AKAP6: variants seen among roughly 807,000 people sequenced by gnomAD.
AKAP6 encodes A-kinase anchor protein 6.
Under a neutral mutation model 188.5 loss-of-function variants are expected in AKAP6, and 58 were observed. That is an observed-to-expected ratio of 0.31 (90% CI 0.25 to 0.38). AKAP6 has a LOEUF of 0.38. Among genes scored for constraint, AKAP6 ranks in the 10% least tolerant of loss-of-function variants. AKAP6 has a pLI of 1.00. For missense variants in AKAP6, 2,710 were observed against 2,740.0 expected (o/e 0.99, Z 0.24); for synonymous variants, 989 against 998.6 (o/e 0.99, Z 0.18).
chr14:32,707,127 T>C (rs958507287), intron 9 of AKAP6, among the ~76,000 whole-genome samples: 1 of 152,140 alleles, frequency 6.6e-6, no homozygotes, highest in African/African-American at 2.4e-5. Context: ...AATGTGTTTA[T>C]TCACATACAT....
intron 11 of AKAP6, among the ~76,000 whole-genome samples, chr14:32,769,507 G>T (rs2032831510): frequency 6.6e-6 from 1 of 150,620 alleles, no homozygotes; most frequent in Non-Finnish European, 1.5e-5. Flanking sequence ...TTAAACAGTT[G>T]ATCAGTTTAG....
At chr14:32,799,756 A>G (rs1362936442) in intron 12 of AKAP6, among the ~76,000 whole-genome samples, 1 of 152,126 alleles carries the variant, frequency 6.6e-6, no homozygotes, top group Non-Finnish European at 1.5e-5. Context: ...AATGTTCAAT[A>G]TGAACTTGAG....
At chr14:32,549,337 T>C (rs1200515575) in intron 4 of AKAP6, among the ~76,000 whole-genome samples, 1 of 152,206 alleles carries the variant, frequency 6.6e-6, no homozygotes, top group Non-Finnish European at 1.5e-5. Context: ...TGTGAAGTAC[T>C]AAACCTTAAG....
intron 4 of AKAP6, among the ~76,000 whole-genome samples, chr14:32,569,557 T>G (rs1165737387): frequency 6.6e-6 from 1 of 152,098 alleles, no homozygotes; most frequent in Admixed American, 6.5e-5. Flanking sequence ...AAGTATATAG[T>G]TAGTTGGTTG....
At chr14:32,433,329 T>C (rs1304073754) in intron 1 of AKAP6, 131 bp from the exon 2 acceptor site, 6 of 664,242 alleles carry the variant, frequency 9.0e-6, no homozygotes, top group Non-Finnish European at 1.5e-5. Flanking sequence ...TTTCTGTTTT[T>C]GTTATGAGCT....
chr14:32,829,633 TC>T (rs1319563674), intron 13 of AKAP6, among the ~76,000 whole-genome samples: 2 of 142,618 alleles, frequency 1.4e-5, no homozygotes, highest in East Asian at 4.2e-4. Flanking sequence ...AAAAAAAAAA[TC>T]AATGTATTTT....
intron 2 of AKAP6, among the ~76,000 whole-genome samples, chr14:32,438,451 C>T (rs892013912): frequency 1.4e-4 from 21 of 152,040 alleles, no homozygotes; most frequent in Middle Eastern, 3.2e-3. Flanking sequence ...GTCTGTTTCC[C>T]AGAGACCACT....
intron 1 of AKAP6, among the ~76,000 whole-genome samples, chr14:32,399,092 A>G (rs1213456943): frequency 6.6e-6 from 1 of 151,812 alleles, no homozygotes; most frequent in African/African-American, 2.4e-5. Context: ...GAGCTTAGGC[A>G]ATTCACCCGC....
At chr14:32,669,099 C>T (rs540818884) in intron 7 of AKAP6, among the ~76,000 whole-genome samples, 1 of 152,194 alleles carries the variant, frequency 6.6e-6, no homozygotes, top group African/African-American at 2.4e-5. Context: ...TTCTGTGATT[C>T]TAGGTTATAC....
intron 12 of AKAP6, among the ~76,000 whole-genome samples, chr14:32,816,652 T>C (rs1002181665): frequency 1.2e-4 from 18 of 152,174 alleles, no homozygotes; most frequent in African/African-American, 1.7e-4. Flanking sequence ...TTTAAATTGG[T>C]TCATCTATAC....
At chr14:32,655,548 T>C (rs1888419616) in intron 7 of AKAP6, among the ~76,000 whole-genome samples, 1 of 152,160 alleles carries the variant, frequency 6.6e-6, no homozygotes, top group South Asian at 2.1e-4. Context: ...CAATGCAAGG[T>C]GGTCAGTGAT....
At chr14:32,704,327 G>T (rs576529812) in intron 9 of AKAP6, among the ~76,000 whole-genome samples, 1 of 152,114 alleles carries the variant, frequency 6.6e-6, no homozygotes, top group Non-Finnish European at 1.5e-5. Flanking sequence ...ATGGGAATGC[G>T]TAGTATTCCC....
chr14:32,435,871 T>C (rs1890361882), intron 2 of AKAP6, among the ~76,000 whole-genome samples: 1 of 152,246 alleles, frequency 6.6e-6, no homozygotes, highest in African/African-American at 2.4e-5. Flanking sequence ...GTTATATCGC[T>C]TAATCTACTT....
intron 12 of AKAP6, among the ~76,000 whole-genome samples, chr14:32,808,186 G>C (rs971541736): frequency 2.6e-5 from 4 of 151,592 alleles, no homozygotes; most frequent in Admixed American, 6.6e-5. Context: ...TATCCAGAGA[G>C]CTGTCCCTTC....
At chr14:32,515,387 A>G (rs1038000065) in intron 2 of AKAP6, among the ~76,000 whole-genome samples, 1 of 152,126 alleles carries the variant, frequency 6.6e-6, no homozygotes, top group Non-Finnish European at 1.5e-5. Context: ...ATACCTTTCA[A>G]TGTACCTAGG....
At chr14:32,440,741 G>T (rs369801814) in intron 2 of AKAP6, among the ~76,000 whole-genome samples, 1 of 152,128 alleles carries the variant, frequency 6.6e-6, no homozygotes, top group Non-Finnish European at 1.5e-5. Flanking sequence ...AACCCCAAAA[G>T]CATATCCCAA....
chr14:32,570,862 T>A (rs1884447664), intron 4 of AKAP6, among the ~76,000 whole-genome samples: 1 of 152,186 alleles, frequency 6.6e-6, no homozygotes, highest in South Asian at 2.1e-4. Context: ...TTAGTTCTTC[T>A]CTTCTGATTC....
chr14:32,492,355 T>TATATATATATATATAGAGAGAGAGAG, intron 2 of AKAP6, among the ~76,000 whole-genome samples: 64 of 82,588 alleles, frequency 7.7e-4, no homozygotes, highest in East Asian at 7.2e-3. Context: ...TATATATATA[T>TATATATATATATATAGAGAGAGAGAG]AGAGAGAGAG....
At chr14:32,560,030 C>CT (rs1883881912) in intron 4 of AKAP6, among the ~76,000 whole-genome samples, 2 of 151,708 alleles carry the variant, frequency 1.3e-5, no homozygotes, top group Admixed American at 6.6e-5. Flanking sequence ...GGAAAGGAGT[C>CT]AAAAAGAGTT....
Sources: gnomAD v4.1 joint callset for allele counts (sites outside exome capture counted in the v4.1 genomes callset) on GRCh38, gnomAD v4.1.1 for gene constraint, MANE v1.5 for transcripts, NCBI Gene and HGNC (gene_info 2026-07-23, HGNC 2026-07-21) for gene names.